The following SLC22A3 variants were observed in gnomAD, a reference collection of about 807,000 sequenced individuals.
SLC22A3 encodes EMT organic cation transporter 3.
SLC22A3 carries 51 observed loss-of-function variants against 59.1 expected under a neutral mutation model. That is an observed-to-expected ratio of 0.86 (90% CI 0.69 to 1.09). The LOEUF (loss-of-function observed/expected upper bound fraction) is 1.09, where lower values mean the gene tolerates loss of function less well. Among genes scored for constraint, SLC22A3 ranks in the 50% least tolerant of loss-of-function variants. The pLI is 0.00. For missense variants in SLC22A3, 711 were observed against 726.3 expected (o/e 0.98, Z 0.24); for synonymous variants, 325 against 292.0 (o/e 1.11, Z -1.15).
intron 1 of SLC22A3, among the ~76,000 whole-genome samples, chr6:160,395,804 A>G (rs1786447610): frequency 6.6e-6 from 1 of 152,222 alleles, no homozygotes. Context: ...GTTAGGTGAC[A>G]GGTCATTAGC....
At chr6:160,400,974 C>T (rs555187989) in intron 2 of SLC22A3, among the ~76,000 whole-genome samples, 120 of 107,030 alleles carry the variant, frequency 1.1e-3, no homozygotes, top group Non-Finnish European at 1.9e-3. Context: ...CAGTAGAAAC[C>T]TCCAAAACTG....
At chr6:160,436,719 ATAC>A in intron 5 of SLC22A3, 58 bp from the exon 6 acceptor site, 1 of 1,066,330 alleles carries the variant, frequency 9.4e-7, no homozygotes, top group Non-Finnish European at 1.4e-6. Context: ...TGACAAGTCT[ATAC>A]TATGCAGGTT....
chr6:160,441,034 C>T lies in SLC22A3; in HGVS notation c.1289-1727C>T, dbSNP rs566361511. Among the ~76,000 whole-genome samples the T allele has an allele frequency of 1.8e-4, 27 of 152,100 alleles. 1 individual carries two copies. In the East Asian group the frequency reaches 4.3e-3, roughly 24 times the overall value. On this transcript the variant is annotated intron_variant, in intron 7 of 10. Coordinates refer to ENST00000275300, the MANE Select transcript of SLC22A3 (RefSeq NM_021977.4). ...TGAAACACCTTGCCTCGGTTATAAA[C>T]CCAAATTGCCCTTGAATTTGTCGGT...
intron 1 of SLC22A3, among the ~76,000 whole-genome samples, chr6:160,350,091 C>G (rs1377232041): frequency 6.6e-6 from 1 of 151,566 alleles, no homozygotes; most frequent in Non-Finnish European, 1.5e-5. Flanking sequence ...GCTATGTGCT[C>G]CAGGGATAAA....
chr6:160,430,006 TAA>T (rs1218057179), intron 5 of SLC22A3, among the ~76,000 whole-genome samples: 1 of 152,024 alleles, frequency 6.6e-6, no homozygotes, highest in Non-Finnish European at 1.5e-5. Flanking sequence ...TTATAAAACA[TAA>T]GATTAATGTT....
chr6:160,427,711 G>A (rs9457925), intron 5 of SLC22A3, among the ~76,000 whole-genome samples: 4,891 of 152,318 alleles, frequency 0.032, 302 homozygotes, highest in Admixed American at 0.17. Flanking sequence ...TTGTGATAAA[G>A]CAGAGGATTT....
chr6:160,452,437 A>C lies in SLC22A3; in HGVS notation c.*1381A>C, dbSNP rs1272891988. The C allele has an allele frequency of 6.6e-6, 1 of 152,238 alleles. No individual in the cohort carries two copies. Among genetic ancestry groups the C allele is most frequent in the Non-Finnish European group, 1.5e-5 (1 of 68,044 alleles). 9.4% of individuals were successfully genotyped at this position (152,238 alleles called of 1,614,324 possible). On this transcript the variant is annotated 3_prime_UTR_variant, in exon 11 of 11. Transcript: ENST00000275300. Reference sequence around the variant, plus strand: ...CACAACTCTTTGAGGATTTGAGACTACATTCACCCTTTATTCACAGTCACT... The same window carrying C: ...CACAACTCTTTGAGGATTTGAGACTCCATTCACCCTTTATTCACAGTCACT...
At chr6:160,358,280 G>C (rs1412782490) in intron 1 of SLC22A3, among the ~76,000 whole-genome samples, 1 of 152,152 alleles carries the variant, frequency 6.6e-6, no homozygotes, top group South Asian at 2.1e-4. Flanking sequence ...TGGTTTTAGT[G>C]GGGAGACTTA....
At chr6:160,377,682 A>T (rs1785650881) in intron 1 of SLC22A3, among the ~76,000 whole-genome samples, 1 of 152,186 alleles carries the variant, frequency 6.6e-6, no homozygotes, top group Non-Finnish European at 1.5e-5. Context: ...TGGAAATGTT[A>T]TGAAAATAAT....
chr6:160,418,313 T>C (rs1034720382), intron 5 of SLC22A3, among the ~76,000 whole-genome samples: 3 of 152,214 alleles, frequency 2.0e-5, no homozygotes, highest in African/African-American at 7.2e-5. Context: ...TCCAGGTTCT[T>C]CTTGCACTTA....
intron 7 of SLC22A3, among the ~76,000 whole-genome samples, chr6:160,438,072 A>G (rs984263356): frequency 1.3e-5 from 2 of 152,138 alleles, no homozygotes; most frequent in Non-Finnish European, 2.9e-5. Flanking sequence ...AGATGCTGAG[A>G]GCAGGAGTTA....
At chr6:160,425,438 G>T (rs780428143) in intron 5 of SLC22A3, among the ~76,000 whole-genome samples, 2 of 152,056 alleles carry the variant, frequency 1.3e-5, no homozygotes, top group African/African-American at 2.4e-5. Flanking sequence ...TCTGTGAAAT[G>T]TTCATTTCAA....
intron 1 of SLC22A3, among the ~76,000 whole-genome samples, chr6:160,364,284 G>A (rs891234988): frequency 6.6e-6 from 1 of 152,192 alleles, no homozygotes. Flanking sequence ...AAGACTGGCT[G>A]CATAGGGGCC....
chr6:160,443,862 T>A (rs1334923826), intron 9 of SLC22A3, 120 bp downstream of exon 9: 7 of 464,754 alleles, frequency 1.5e-5, no homozygotes, highest in African/African-American at 1.4e-4. Context: ...TTATAATAAC[T>A]ATTTCATTGA....
intron 10 of SLC22A3, 51 bp from the exon 11 acceptor site, chr6:160,450,945 T>TCTAA: frequency 1.3e-6 from 2 of 1,506,596 alleles, no homozygotes; most frequent in Non-Finnish European, 1.8e-6. Context: ...AACACCCTCT[T>TCTAA]CTAACTAGTT....
chr6:160,355,439 C>T lies in SLC22A3; in HGVS notation c.429+6591C>T, dbSNP rs387408. ...TGTCCTCCCCTTGGGCTCTTGTGTG[C>T]GCTGTTTCCTTTCCTTTCCTCAAAA... On this transcript the variant is annotated intron_variant, in intron 1 of 10. Coordinates refer to ENST00000275300, the MANE Select transcript of SLC22A3 (RefSeq NM_021977.4). Among the ~76,000 whole-genome samples, 464 of 152,202 alleles carry T rather than the reference C, an allele frequency of 3.0e-3. 17 individuals are homozygous for T. The East Asian group carries it at 0.072, about 24-fold the overall frequency.
At chr6:160,423,750 A>AT (rs1404205909) in intron 5 of SLC22A3, among the ~76,000 whole-genome samples, 5 of 151,938 alleles carry the variant, frequency 3.3e-5, no homozygotes, top group Non-Finnish European at 7.4e-5. Context: ...GATTGCAAAA[A>AT]TTTTCTCCCA....
intron 1 of SLC22A3, among the ~76,000 whole-genome samples, chr6:160,385,684 G>A (rs573240046): frequency 9.8e-5 from 15 of 152,308 alleles, no homozygotes; most frequent in Admixed American, 6.5e-4. Flanking sequence ...CCTTCCAGCC[G>A]ACGCAGGAGC....
intron 1 of SLC22A3, among the ~76,000 whole-genome samples, chr6:160,363,000 C>T (rs958888376): frequency 6.6e-6 from 1 of 152,220 alleles, no homozygotes; most frequent in African/African-American, 2.4e-5. Context: ...TGCAGGCAGC[C>T]CCGGAGCCCG....
Sources: allele counts gnomAD v4.1 joint callset (sites outside exome capture counted in the v4.1 genomes callset), GRCh38; gene constraint gnomAD v4.1.1; transcripts MANE v1.5; gene names NCBI Gene and HGNC (gene_info 2026-07-23, HGNC 2026-07-21).